The following STS variants were observed in gnomAD, a reference collection of about 807,000 sequenced individuals.
STS encodes steroid sulfatase.
Under a neutral mutation model 26.8 loss-of-function variants are expected in STS, and 7 were observed. The observed-to-expected ratio is 0.26, with a 90% CI of 0.15 to 0.49. The LOEUF is 0.49. STS is among the 20% of genes least tolerant of loss of function. The pLI, the probability that STS is intolerant of heterozygous loss-of-function variation, is 0.98. For synonymous variants in STS, 199 were observed against 189.4 expected (o/e 1.05, Z -0.42); for missense variants, 434 against 465.6 (o/e 0.93, Z 0.63).
chrX:7,305,730 A>G (rs1444795958), intron 8 of STS, among the ~76,000 whole-genome samples: 1 of 111,558 alleles, frequency 9.0e-6, no homozygotes, highest in Non-Finnish European at 1.9e-5. Flanking sequence ...ACTGTCTTCA[A>G]ACCTCCGTGT....
At chrX:7,264,503 G>T (rs1923904967) in intron 6 of STS, among the ~76,000 whole-genome samples, 1 of 111,981 alleles carries the variant, frequency 8.9e-6, no homozygotes, top group Non-Finnish European at 1.9e-5. Flanking sequence ...CTAGTGTATG[G>T]TGGCGTATAA....
intron 1 of STS, among the ~76,000 whole-genome samples, chrX:7,172,788 T>A (rs1933492489): frequency 9.0e-6 from 1 of 111,635 alleles, no homozygotes; most frequent in South Asian, 3.8e-4. Context: ...GAATAATGAG[T>A]TCTTACCTAC....
chrX:7,214,888 A>T, intron 2 of STS, among the ~76,000 whole-genome samples: 1 of 101,529 alleles, frequency 9.8e-6, no homozygotes, highest in South Asian at 4.4e-4. Context: ...ATTCCTTTTT[A>T]TGGCTGTGTA....
intron 8 of STS, among the ~76,000 whole-genome samples, chrX:7,311,959 C>T (rs143692555): frequency 0.032 from 3,585 of 110,772 alleles, 99 homozygotes; most frequent in African/African-American, 0.081. Flanking sequence ...CCCAGGAAGT[C>T]GAGGCTGCAG....
chrX:7,306,544 T>C (rs1386163868), intron 8 of STS, among the ~76,000 whole-genome samples: 1 of 112,131 alleles, frequency 8.9e-6, no homozygotes, highest in Non-Finnish European at 1.9e-5. Context: ...TAACATGGTG[T>C]CTTCCCTGAA....
At chrX:7,168,569 T>C (rs746135135) in intron 1 of STS, among the ~76,000 whole-genome samples, 1 of 111,647 alleles carries the variant, frequency 9.0e-6, no homozygotes, top group Non-Finnish European at 1.9e-5. Context: ...TGGGCAGGTT[T>C]CTGGGAATGG....
At chrX:7,148,384 T>C (rs1458601300) in intron 1 of STS, among the ~76,000 whole-genome samples, 3 of 112,567 alleles carry the variant, frequency 2.7e-5, no homozygotes, top group Non-Finnish European at 3.8e-5. Flanking sequence ...CAATTCCTCC[T>C]CACTTCACAC....
At chrX:7,199,534 T>A (rs1267040301) in intron 2 of STS, among the ~76,000 whole-genome samples, 1 of 111,792 alleles carries the variant, frequency 8.9e-6, no homozygotes, top group African/African-American at 3.2e-5. Flanking sequence ...TAAATTTTTA[T>A]GACTGTTTTA....
intron 1 of STS, among the ~76,000 whole-genome samples, chrX:7,151,654 G>A (rs772404607): frequency 1.8e-5 from 2 of 112,007 alleles, no homozygotes; most frequent in East Asian, 5.6e-4. Flanking sequence ...TTTTGTGTGG[G>A]GAGGGTCATT....
intron 2 of STS, among the ~76,000 whole-genome samples, chrX:7,209,325 A>G (rs891063737): frequency 3.7e-5 from 4 of 108,849 alleles, no homozygotes; most frequent in Non-Finnish European, 7.6e-5. Context: ...GATTAATACC[A>G]CAGATTTTAA....
chrX:7,286,673 C>G (rs1238949716), intron 7 of STS, among the ~76,000 whole-genome samples: 2 of 111,571 alleles, frequency 1.8e-5, no homozygotes, highest in African/African-American at 3.3e-5. Context: ...CTAATACAAA[C>G]CCACTTATGC....
rs1438089678 is a variant in STS at position 7,259,624 on chromosome X, C to T, written c.658C>T (p.Leu220=). ...TTTCAGCCTTCTCTTCCTAGCAGCC[C>T]TAATCCTGACCCTTTTCTTGGGCTT... The part of the protein sequence containing the change: ...VFFSLLFLAA[L]ILTLFLGFLH... The change falls in exon 6 of 11, where the codon CTA becomes TTA. Residue 220 remains leucine, a synonymous_variant. Transcript: ENST00000674429. 8.3e-7 allele frequency: 1 copy of T among 1,208,910 alleles called. No individual in the cohort carries two copies. Among genetic ancestry groups the T allele is most frequent in the African/African-American group, 1.8e-5 (1 of 56,819 alleles).
intron 2 of STS, among the ~76,000 whole-genome samples, chrX:7,234,155 A>G (rs1265463304): frequency 8.9e-6 from 1 of 112,418 alleles, no homozygotes; most frequent in Non-Finnish European, 1.9e-5. Flanking sequence ...TAAGATGGGA[A>G]TGCTCTATGG....
intron 7 of STS, among the ~76,000 whole-genome samples, chrX:7,283,983 A>C (rs1925002775): frequency 9.0e-6 from 1 of 111,330 alleles, no homozygotes; most frequent in Non-Finnish European, 1.9e-5. Flanking sequence ...TTGGGAAGCC[A>C]GAGTGTTCAG....
intron 7 of STS, among the ~76,000 whole-genome samples, chrX:7,288,157 C>CTT (rs58390637): frequency 0.28 from 27,797 of 99,443 alleles, 3,120 homozygotes; most frequent in Middle Eastern, 0.42. Flanking sequence ...TTTTTCCTGC[C>CTT]TTTTTTTTTT....
chrX:7,334,331 C>T (rs1018592913), intron 10 of STS, among the ~76,000 whole-genome samples: 7 of 111,278 alleles, frequency 6.3e-5, no homozygotes, highest in African/African-American at 1.6e-4. Context: ...ATGTCATTCA[C>T]CCACCTGAAC....
intron 2 of STS, among the ~76,000 whole-genome samples, chrX:7,203,895 C>G (rs1487441608): frequency 9.0e-6 from 1 of 111,348 alleles, no homozygotes; most frequent in Admixed American, 9.6e-5. Flanking sequence ...AGCAATTCTC[C>G]TGTCTCAGCT....
chrX:7,334,000 G>A lies in STS; in HGVS notation c.1256G>A (p.Arg419His), dbSNP rs144731434. 17 of 1,209,519 alleles carry A rather than the reference G, an allele frequency of 1.4e-5. No homozygotes were observed. The East Asian group carries it at 2.7e-4, about 19-fold the overall frequency. The change falls in exon 10 of 11, where the codon CGT becomes CAT. Residue 419 changes from arginine to histidine, a missense_variant. Arg to His is a conservative substitution (Grantham distance 29). This residue lies in a region of STS where 205 missense variants were observed against 177.3 expected (regional missense o/e 1.16). Transcript: ENST00000674429. ...PLPEDRIIDG[R>H]DLMPLLEGKS... ...TTATCCCACAGGATCATTGATGGAC[G>A]TGATCTGATGCCCCTGCTTGAAGGA...
intron 5 of STS, among the ~76,000 whole-genome samples, chrX:7,257,932 G>A (rs1248846795): frequency 1.8e-5 from 2 of 110,469 alleles, no homozygotes; most frequent in Non-Finnish European, 3.8e-5. Flanking sequence ...TGAATGGATG[G>A]ATAGATAGAT....
Sources: gnomAD v4.1 joint callset for allele counts (sites outside exome capture counted in the v4.1 genomes callset) on GRCh38, gnomAD v4.1.1 for gene constraint, gnomAD v4.1.1 regional missense constraint, MANE v1.5 for transcripts, NCBI Gene and HGNC (gene_info 2026-07-23, HGNC 2026-07-21) for gene names.